Variants in CADM2 observed in about 807,000 individuals in gnomAD.
The protein encoded by CADM2 is cell adhesion molecule 2.
CADM2 carries 12 observed loss-of-function variants against 49.8 expected under a neutral mutation model. The observed-to-expected ratio is 0.24, with a 90% confidence interval of 0.15 to 0.39. The LOEUF is 0.39. Among genes scored for constraint, CADM2 ranks in the 10% least tolerant of loss-of-function variants. The probability of loss-of-function intolerance (pLI) is 1.00; values close to 1 mark genes in which losing one functional copy is unlikely to be tolerated. For synonymous variants in CADM2, 214 were observed against 175.4 expected, an observed-to-expected ratio of 1.22 and a Z score of -1.74; for missense variants, 378 against 492.3, an observed-to-expected ratio of 0.77 and a Z score of 2.20.
intron 8 of CADM2, among the ~76,000 whole-genome samples, chr3:86,004,534 G>C (rs1057509588): frequency 3.3e-5 from 5 of 152,162 alleles, no homozygotes; most frequent in African/African-American, 9.7e-5. Context: ...AGCATGACAG[G>C]ATGAATATTA....
chr3:85,236,866 A>G lies in CADM2; in HGVS notation c.61+277198A>G, dbSNP rs113235366. Among the ~76,000 whole-genome samples the G allele has an allele frequency of 4.3e-3, 662 of 152,184 alleles. 3 individuals are homozygous for G. The highest frequency in any genetic ancestry group is 0.014 in the African/African-American group (588 of 41,550). ...AGGGCTGTAGTAACAGAAAGGACAGACAATTTCTTGTCTTAGGAGGTGAAC... is the reference window on the plus strand; with the variant it reads ...AGGGCTGTAGTAACAGAAAGGACAGGCAATTTCTTGTCTTAGGAGGTGAAC... On this transcript the variant is annotated intron_variant, in intron 1 of 9. Transcript: ENST00000383699.
intron 1 of CADM2, among the ~76,000 whole-genome samples, chr3:85,297,159 C>T (rs1329431377): frequency 6.6e-6 from 1 of 151,492 alleles, no homozygotes; most frequent in African/African-American, 2.4e-5. Context: ...AGCATGTGCA[C>T]TTTTATTGAT....
rs557753613 is a variant in CADM2, at chr3:85,663,961, C to T, written c.62-62561C>T. ...TGGTCAATTTAGAATTTTCGTCTTA[C>T]GCAATTAAGCAGAAATATTTTATGC... is the stretch of plus-strand genomic sequence containing the variant. On this transcript the variant is annotated intron_variant, in intron 1 of 9. Coordinates refer to ENST00000383699, the MANE Select transcript of CADM2 (RefSeq NM_001167675.2). Among the ~76,000 whole-genome samples, 59 of 152,062 alleles carry T rather than the reference C, an allele frequency of 3.9e-4. 1 individual carries two copies. Among genetic ancestry groups the T allele is most frequent in the African/African-American group, 1.0e-3 (43 of 41,508 alleles).
At chr3:85,980,666 T>C (rs1350137809) in intron 8 of CADM2, among the ~76,000 whole-genome samples, 1 of 151,574 alleles carries the variant, frequency 6.6e-6, no homozygotes, top group Non-Finnish European at 1.5e-5. Context: ...TGCTTTATAA[T>C]ATTATGTAAA....
rs73132639 is a variant in CADM2 at position 85,932,334 on chromosome 3, C to T, written c.701-3433C>T. The stretch of plus-strand genomic sequence containing the variant: ...GTTCATTTTGAATACGTCAAATGTG[C>T]CAAGCCTTTTAGATATCCAAGTGAA... On this transcript the variant is annotated intron_variant, in intron 6 of 9. Coordinates refer to ENST00000383699, the MANE Select transcript of CADM2 (RefSeq NM_001167675.2). 1.1e-3 allele frequency among the ~76,000 whole-genome samples: 174 copies of T among 152,190 alleles called. 1 individual carries two copies. The highest frequency in any genetic ancestry group is 2.0e-3 in the Non-Finnish European group (138 of 68,028).
rs553299695 is a variant in CADM2, at chr3:85,508,324, T to C, written c.62-218198T>C. 3.9e-5 allele frequency among the ~76,000 whole-genome samples: 6 copies of C among 152,308 alleles called. No individual in the cohort carries two copies. The South Asian group carries it at 6.2e-4, about 16-fold the overall frequency. ...CCCAGTAGTCAGCAAACTATGACTC[T>C]TTGTAGAAACAGTTTCCTGGTCTCT... On this transcript the variant is annotated intron_variant, in intron 1 of 9. Coordinates refer to ENST00000383699, the MANE Select transcript of CADM2 (RefSeq NM_001167675.2).
At chr3:85,100,369 T>C (rs2037966650) in intron 1 of CADM2, among the ~76,000 whole-genome samples, 1 of 152,212 alleles carries the variant, frequency 6.6e-6, no homozygotes, top group South Asian at 2.1e-4. Context: ...TGGCTATATA[T>C]TATCTTCTCA....
chr3:85,611,335 T>C (rs1338341602), intron 1 of CADM2, among the ~76,000 whole-genome samples: 2 of 151,852 alleles, frequency 1.3e-5, no homozygotes, highest in Non-Finnish European at 1.5e-5. Context: ...AATGGTAAAA[T>C]TATTATTTTG....
At chr3:85,784,321 A>G (rs2070838002) in intron 2 of CADM2, among the ~76,000 whole-genome samples, 1 of 152,202 alleles carries the variant, frequency 6.6e-6, no homozygotes, top group South Asian at 2.1e-4. Flanking sequence ...TAAAATTATA[A>G]ACAAGGGATT....
intron 8 of CADM2, among the ~76,000 whole-genome samples, chr3:85,999,267 G>GGC (rs1553720519): frequency 0.041 from 5,463 of 132,966 alleles, 401 homozygotes; most frequent in African/African-American, 0.15. Flanking sequence ...GGGAGGCCGA[G>GGC]GGTTGGGGGG....
chr3:85,824,334 G>A (rs1410932261), intron 3 of CADM2, among the ~76,000 whole-genome samples: 1 of 152,126 alleles, frequency 6.6e-6, no homozygotes, highest in African/African-American at 2.4e-5. Context: ...CTGTGTCATG[G>A]ATAGTAAATG....
chr3:85,908,059 T>C (rs1007087210), intron 5 of CADM2, among the ~76,000 whole-genome samples: 2 of 152,126 alleles, frequency 1.3e-5, no homozygotes, highest in Admixed American at 1.3e-4. Flanking sequence ...GCAACTTCTC[T>C]AGGAACTTCA....
At chr3:85,134,526 C>T (rs2039356132) in intron 1 of CADM2, among the ~76,000 whole-genome samples, 1 of 152,186 alleles carries the variant, frequency 6.6e-6, no homozygotes. Context: ...TCATACTTAA[C>T]CACAGTTTTT....
At chr3:85,331,338 A>AT (rs113807149) in intron 1 of CADM2, among the ~76,000 whole-genome samples, 17 of 151,274 alleles carry the variant, frequency 1.1e-4, no homozygotes, top group South Asian at 2.1e-4. Flanking sequence ...CAATTTATTC[A>AT]TTTTTTTTAG....
At chr3:85,588,237 A>G (rs888331111) in intron 1 of CADM2, among the ~76,000 whole-genome samples, 2 of 152,066 alleles carry the variant, frequency 1.3e-5, no homozygotes, top group East Asian at 1.9e-4. Context: ...AAATATGACC[A>G]CTGTTGATGG....
intron 8 of CADM2, among the ~76,000 whole-genome samples, chr3:86,003,358 C>T (rs1260247328): frequency 6.6e-6 from 1 of 152,058 alleles, no homozygotes; most frequent in East Asian, 1.9e-4. Flanking sequence ...GTAATAAATC[C>T]TTTTTTCTCT....
In CADM2 at chr3:85,961,166, C is replaced by A. The variant is rs1340072780; in HGVS notation, c.792-303C>A. Among the ~76,000 whole-genome samples the A allele has an allele frequency of 4.0e-5, 6 of 150,958 alleles. No homozygotes were observed. In the East Asian group the frequency reaches 9.8e-4, roughly 25 times the overall value. ...GTAGTCTTCCAATGTGGGGTGTGAG[C>A]CATTAGCAGCAGAATCTGGGCCACA... On this transcript the variant is annotated intron_variant, in intron 7 of 9. Transcript: ENST00000383699.
intron 1 of CADM2, among the ~76,000 whole-genome samples, chr3:85,643,890 A>AT (rs1164734224): frequency 1.3e-5 from 2 of 152,088 alleles, no homozygotes; most frequent in South Asian, 2.1e-4. Flanking sequence ...TTCTTAATAC[A>AT]TTTTTTAGGC....
intron 1 of CADM2, among the ~76,000 whole-genome samples, chr3:85,495,967 T>C (rs1183847303): frequency 1.3e-5 from 2 of 152,174 alleles, no homozygotes; most frequent in East Asian, 1.9e-4. Flanking sequence ...TGGTTTCCTC[T>C]GCTGCAAAAG....
Sources: gnomAD v4.1 joint callset for allele counts (sites outside exome capture counted in the v4.1 genomes callset) on GRCh38, gnomAD v4.1.1 for gene constraint, MANE v1.5 for transcripts, NCBI Gene and HGNC (gene_info 2026-07-23, HGNC 2026-07-21) for gene names.